Variants in SPACA7 observed in about 807,000 individuals in gnomAD.
SPACA7 encodes sperm acrosome associated 7, also known as sperm acrosome-associated protein 7.
In SPACA7, 19 loss-of-function variants were observed where a neutral mutation model predicts 26.3. The observed-to-expected ratio is 0.72, with a 90% CI of 0.50 to 1.06. The LOEUF (loss-of-function observed/expected upper bound fraction) is 1.06, where lower values mean the gene tolerates loss of function less well. Ranked by LOEUF, SPACA7 falls within the 50% of genes least tolerant of loss-of-function variation. SPACA7 has a pLI of 0.00. For missense variants in SPACA7, 211 were observed against 229.9 expected, an observed-to-expected ratio of 0.92 and a Z score of 0.53; for synonymous variants, 84 against 84.5, an observed-to-expected ratio of 0.99 and a Z score of 0.04.
chr13:112,392,305 C>T (rs576173641), intron 1 of SPACA7, among the ~76,000 whole-genome samples: 54 of 152,332 alleles, frequency 3.5e-4, no homozygotes, highest in African/African-American at 1.1e-3. Context: ...CAGCTCCCAT[C>T]AGTCAGGCAG....
Position 112,413,218 on chromosome 13 carries a change from C to A in SPACA7, c.445+12054C>A, listed in dbSNP as rs545969516. Among the ~76,000 whole-genome samples, 9 of 152,272 alleles carry A rather than the reference C, an allele frequency of 5.9e-5. No individual in the cohort carries two copies. The South Asian group carries it at 1.9e-3, about 32-fold the overall frequency. On this transcript the variant is annotated intron_variant, in intron 5 of 6. Transcript: ENST00000283550. Reference sequence around the variant, plus strand: ...GCTTGTTGCACATTAGCACCCTTTTCTTTCAGATTGAAGACTTCTTTTCAG... The same window carrying A: ...GCTTGTTGCACATTAGCACCCTTTTATTTCAGATTGAAGACTTCTTTTCAG...
At chr13:112,377,740 T>C (rs1446434961) in intron 1 of SPACA7, among the ~76,000 whole-genome samples, 1 of 152,212 alleles carries the variant, frequency 6.6e-6, no homozygotes, top group Admixed American at 6.5e-5. Flanking sequence ...GGCTTTCTCA[T>C]TCCCTCCTCT....
intron 1 of SPACA7, among the ~76,000 whole-genome samples, chr13:112,376,707 A>T (rs1409218589): frequency 6.6e-6 from 1 of 152,152 alleles, no homozygotes; most frequent in African/African-American, 2.4e-5. Flanking sequence ...ATTATGGAAA[A>T]TTTCTAACTG....
chr13:112,379,473 T>G (rs925010842), intron 1 of SPACA7, among the ~76,000 whole-genome samples: 1 of 152,238 alleles, frequency 6.6e-6, no homozygotes, highest in Non-Finnish European at 1.5e-5. Context: ...GAAATTTGGT[T>G]GTTTCTGTGA....
chr13:112,385,835 T>C (rs1884489525), intron 1 of SPACA7, among the ~76,000 whole-genome samples: 1 of 152,224 alleles, frequency 6.6e-6, no homozygotes, highest in African/African-American at 2.4e-5. Flanking sequence ...AGAGTGCTTT[T>C]ATATATAAAC....
intron 1 of SPACA7, among the ~76,000 whole-genome samples, chr13:112,388,817 T>TG (rs1884697883): frequency 6.6e-6 from 1 of 151,964 alleles, no homozygotes; most frequent in African/African-American, 2.4e-5. Flanking sequence ...ACTTGGTGGG[T>TG]GGGGGGAAGC....
intron 1 of SPACA7, among the ~76,000 whole-genome samples, chr13:112,390,953 G>A (rs1380109298): frequency 6.6e-6 from 1 of 152,208 alleles, no homozygotes; most frequent in African/African-American, 2.4e-5. Context: ...ATGGCCAGTG[G>A]TCTCTCACCA....
chr13:112,430,325 G>A (rs2050895935), intron 5 of SPACA7, among the ~76,000 whole-genome samples: 1 of 152,268 alleles, frequency 6.6e-6, no homozygotes, highest in South Asian at 2.1e-4. Flanking sequence ...AACTCTCCAG[G>A]CAGTGCCTGA....
At chr13:112,392,590 T>C (rs1884962950) in intron 1 of SPACA7, among the ~76,000 whole-genome samples, 2 of 152,212 alleles carry the variant, frequency 1.3e-5, no homozygotes, top group South Asian at 4.1e-4. Context: ...GTGCATGCAC[T>C]GTGGGCGCCT....
At chr13:112,406,583 C>T (rs986648319) in intron 5 of SPACA7, among the ~76,000 whole-genome samples, 5 of 152,224 alleles carry the variant, frequency 3.3e-5, no homozygotes, top group Admixed American at 6.5e-5. Flanking sequence ...AGAAGATATA[C>T]ATGGCCAATA....
intron 3 of SPACA7, 91 bp from the exon 4 acceptor site, chr13:112,398,975 T>C (rs1885461000): frequency 5.2e-6 from 4 of 762,456 alleles, no homozygotes; most frequent in Admixed American, 2.4e-5. Context: ...ATCCCAACCT[T>C]ATATTGTAAA....
intron 5 of SPACA7, among the ~76,000 whole-genome samples, chr13:112,417,517 C>A (rs2139031220): frequency 6.6e-6 from 1 of 152,202 alleles, no homozygotes; most frequent in South Asian, 2.1e-4. Flanking sequence ...CTTACAGGAC[C>A]ATACATGTTC....
In SPACA7 at chr13:112,394,791, A is replaced by G. The variant is rs576435425; in HGVS notation, c.151+1714A>G. ...CCTGAGACCAGCACCTGCTCCAGCC[A>G]GTGTCTCAGCCACCCCCAGAGAAAC... is the stretch of plus-strand genomic sequence containing the variant. On this transcript the variant is annotated intron_variant, in intron 2 of 6. Transcript: ENST00000283550. Among the ~76,000 whole-genome samples the G allele has an allele frequency of 3.9e-4, 59 of 152,318 alleles. 1 individual carries two copies. The East Asian group carries it at 0.01, about 27-fold the overall frequency.
chr13:112,387,652 T>C (rs1884614332), intron 1 of SPACA7, among the ~76,000 whole-genome samples: 1 of 152,186 alleles, frequency 6.6e-6, no homozygotes, highest in Non-Finnish European at 1.5e-5. Context: ...CGGGCTCCCT[T>C]TCTATGCAGA....
At position 112,383,121 on chromosome 13, in the gene SPACA7, AAAAG is replaced by A. The variant is rs1233884331; in HGVS notation, c.94+6714_94+6717del. Among the ~76,000 whole-genome samples, 253 of 33,838 alleles carry A rather than the reference AAAAG, an allele frequency of 7.5e-3. 2 individuals are homozygous for A. The highest frequency in any genetic ancestry group is 0.014 in the Middle Eastern group (1 of 70). 22.2% of individuals were successfully genotyped at this position (33,838 alleles called of 152,430 possible). On this transcript the variant is annotated intron_variant, in intron 1 of 6. Transcript: ENST00000283550. Reference sequence around the variant, plus strand: ...AAGAAGAAAGAAAAGAAAAGAAAAGAAAAGAAAGAAAGAAAGAAAGAAAGAAAGA... The same window carrying A: ...AAGAAGAAAGAAAAGAAAAGAAAAGAAAAGAAAGAAAGAAAGAAAGAAAGA...
chr13:112,394,289 G>T (rs1395538859), intron 2 of SPACA7, among the ~76,000 whole-genome samples: 2 of 151,954 alleles, frequency 1.3e-5, no homozygotes, highest in African/African-American at 4.8e-5. Context: ...TGCTCACATC[G>T]ATGCCCTTGG....
chr13:112,390,894 A>G (rs1278016), intron 1 of SPACA7, among the ~76,000 whole-genome samples: 45,913 of 151,918 alleles, frequency 0.3, 7,251 homozygotes, highest in Non-Finnish European at 0.35. Context: ...GTGAAGCAGA[A>G]GACAGGAAAC....
At chr13:112,425,516 T>G (rs1876453928) in intron 5 of SPACA7, among the ~76,000 whole-genome samples, 2 of 152,124 alleles carry the variant, frequency 1.3e-5, no homozygotes, top group South Asian at 4.1e-4. Context: ...GGATGGGCCA[T>G]AAAGTCCATT....
Position 112,391,156 on chromosome 13 carries a change from A to C in SPACA7, c.95-1865A>C, listed in dbSNP as rs903977897. ...GTAAGGAATGGGTAAGAGAGAAAAAAGGTCAGAGTTTAGTCCTTACCTCCC... is the reference window on the plus strand; with the variant it reads ...GTAAGGAATGGGTAAGAGAGAAAAACGGTCAGAGTTTAGTCCTTACCTCCC... On this transcript the variant is annotated intron_variant, in intron 1 of 6. Coordinates refer to ENST00000283550, the MANE Select transcript of SPACA7 (RefSeq NM_145248.5). Among the ~76,000 whole-genome samples, 9 of 152,222 alleles carry C rather than the reference A, an allele frequency of 5.9e-5. No homozygotes were observed. The East Asian group carries it at 1.7e-3, about 29-fold the overall frequency.
Sources: gnomAD v4.1 joint callset for allele counts (sites outside exome capture counted in the v4.1 genomes callset) on GRCh38, gnomAD v4.1.1 for gene constraint, MANE v1.5 for transcripts, NCBI Gene and HGNC (gene_info 2026-07-23, HGNC 2026-07-21) for gene names.